The following SDCCAG8 variants were observed in gnomAD, a reference collection of about 807,000 sequenced individuals.
The protein encoded by SDCCAG8 is SHH signaling and ciliogenesis regulator SDCCAG8, also known as serologically defined colon cancer antigen 8.
A neutral mutation model predicts 101.8 loss-of-function variants in SDCCAG8; 74 were observed. The ratio of observed to expected loss-of-function variants is 0.73; its 90% CI spans 0.60 to 0.88. The LOEUF is 0.88. Ranked by LOEUF, SDCCAG8 falls within the 40% of genes least tolerant of loss-of-function variation. The pLI, the probability that SDCCAG8 is intolerant of heterozygous loss-of-function variation, is 0.00. For synonymous variants in SDCCAG8, 281 were observed against 292.9 expected, an observed-to-expected ratio of 0.96 and a Z score of 0.41; for missense variants, 787 against 822.6, an observed-to-expected ratio of 0.96 and a Z score of 0.53.
rs930080090 is a variant in SDCCAG8, at chr1:243,474,543, G to A, written c.1986-14471G>A. On this transcript the variant is annotated intron_variant, in intron 16 of 17. Coordinates refer to ENST00000366541, the MANE Select transcript of SDCCAG8 (RefSeq NM_006642.5). The surrounding 1 kb of genome is among the most constrained non-coding windows in gnomAD (Gnocchi z 4.7). ...AGAGGACGGTGCACCGCCCGGCAGC[G>A]CTGAGACCTGGCCGCCTAGGCCACC... is the stretch of plus-strand genomic sequence containing the variant. Among the ~76,000 whole-genome samples, 4 of 152,214 alleles carry A rather than the reference G, an allele frequency of 2.6e-5. No homozygotes were observed. Among genetic ancestry groups the A allele is most frequent in the African/African-American group, 4.8e-5 (2 of 41,460 alleles).
At position 243,386,768 on chromosome 1, in the gene SDCCAG8, T is replaced by TGAGAGAGAGAGAGAGA. The variant is rs112662776; in HGVS notation, c.1616+7912_1616+7927dup. Among the ~76,000 whole-genome samples, 536 of 143,450 alleles carry TGAGAGAGAGAGAGAGA rather than the reference T, an allele frequency of 3.7e-3. 8 individuals are homozygous for TGAGAGAGAGAGAGAGA. The highest frequency in any genetic ancestry group is 0.013 in the African/African-American group (505 of 39,434). The allele number at this position is 143,450 out of a possible 152,430, so 94.1% of individuals were successfully genotyped here. ...ACTCCATCTCAAAAAAGAAAGAAAG[T>TGAGAGAGAGAGAGAGA]GAGAGAGAGAGAGAGAGAGAGAAAG... is the stretch of plus-strand genomic sequence containing the variant. On this transcript the variant is annotated intron_variant, in intron 13 of 17. Transcript: ENST00000366541.
At chr1:243,389,025 G>A (rs1186152943) in intron 13 of SDCCAG8, among the ~76,000 whole-genome samples, 1 of 151,238 alleles carries the variant, frequency 6.6e-6, no homozygotes, top group African/African-American at 2.4e-5. Context: ...GAGGCTACGT[G>A]GTGGTGCGTG....
chr1:243,477,504 C>A (rs149882218), intron 16 of SDCCAG8, among the ~76,000 whole-genome samples: 14 of 152,300 alleles, frequency 9.2e-5, no homozygotes, highest in Non-Finnish European at 1.8e-4. Flanking sequence ...CCCAGTCTTC[C>A]AAAGGTATTA....
intron 15 of SDCCAG8, among the ~76,000 whole-genome samples, chr1:243,425,236 G>A (rs890270606): frequency 2.0e-5 from 3 of 152,084 alleles, no homozygotes; most frequent in African/African-American, 4.8e-5. Flanking sequence ...ATAAGCTAAT[G>A]TATGCATAAA....
At chr1:243,317,468 G>A (rs1459247992) in intron 9 of SDCCAG8, among the ~76,000 whole-genome samples, 2 of 152,004 alleles carry the variant, frequency 1.3e-5, no homozygotes, top group African/African-American at 2.4e-5. Flanking sequence ...TTACAGACAC[G>A]GGCCATCATG....
At chr1:243,361,090 C>G (rs2076684750) in intron 12 of SDCCAG8, among the ~76,000 whole-genome samples, 1 of 152,118 alleles carries the variant, frequency 6.6e-6, no homozygotes, top group Non-Finnish European at 1.5e-5. Context: ...CAACATATTG[C>G]CATAATAAAT....
chr1:243,485,705 A>T (rs992877456), intron 16 of SDCCAG8, among the ~76,000 whole-genome samples: 1 of 151,666 alleles, frequency 6.6e-6, no homozygotes, highest in Admixed American at 6.6e-5. Context: ...GGAGTTCAAG[A>T]CAAGCCTGGC....
intron 4 of SDCCAG8, 101 bp downstream of exon 4, chr1:243,274,757 A>G: frequency 1.4e-6 from 1 of 702,560 alleles, no homozygotes; most frequent in East Asian, 2.9e-5. Context: ...GTTTGTAGCA[A>G]TACATTGACA....
At chr1:243,434,193 G>A (rs1303194634) in intron 16 of SDCCAG8, among the ~76,000 whole-genome samples, 1 of 152,206 alleles carries the variant, frequency 6.6e-6, no homozygotes, top group East Asian at 1.9e-4. Flanking sequence ...TGGTTTCCCA[G>A]TAACTACATT....
At chr1:243,264,033 A>G (rs1248881687) in intron 1 of SDCCAG8, among the ~76,000 whole-genome samples, 1 of 152,106 alleles carries the variant, frequency 6.6e-6, no homozygotes, top group African/African-American at 2.4e-5. Context: ...GCTGCAGTGC[A>G]TCTCATATCT....
chr1:243,269,144 T>A lies in SDCCAG8; in HGVS notation c.68-961T>A, dbSNP rs182069261. On this transcript the variant is annotated intron_variant, in intron 1 of 17. Transcript: ENST00000366541. ...GCTTAGGGCTCCCAAAAGCAAACAT[T>A]CCAAGAGGAAGCAGAAGCTGCCAGT... The A allele has an allele frequency of 3.8e-3, 575 of 152,456 alleles. 6 individuals carry two copies. Among genetic ancestry groups the A allele is most frequent in the Non-Finnish European group, 3.6e-3 (246 of 68,236 alleles). 9.4% of individuals were successfully genotyped at this position (152,456 alleles called of 1,614,324 possible). A position where few individuals can be genotyped will look rare whatever the true frequency, so the allele number is the denominator to read the frequency against.
At chr1:243,484,910 G>C (rs1020570180) in intron 16 of SDCCAG8, among the ~76,000 whole-genome samples, 3 of 152,112 alleles carry the variant, frequency 2.0e-5, no homozygotes, top group Non-Finnish European at 4.4e-5. Context: ...CAGGTGTGGT[G>C]GTGCGCGCCT....
At chr1:243,365,048 G>A (rs1001933068) in intron 12 of SDCCAG8, among the ~76,000 whole-genome samples, 1 of 152,146 alleles carries the variant, frequency 6.6e-6, no homozygotes, top group Non-Finnish European at 1.5e-5. Context: ...GCTTATTTAT[G>A]CTTGTAACTG....
rs111278821 is a variant in SDCCAG8 at position 243,499,509 on chromosome 1, G to A, written c.2113-247G>A. Among the ~76,000 whole-genome samples the A allele has an allele frequency of 9.7e-4, 147 of 152,330 alleles. 2 individuals carry two copies. Among genetic ancestry groups the A allele is most frequent in the African/African-American group, 3.3e-3 (138 of 41,578 alleles). On this transcript the variant is annotated intron_variant, in intron 17 of 17. Transcript: ENST00000366541. Reference sequence around the variant, plus strand: ...GACTGTCCTTATTTAAGAGGCAGGCGTGTCTTTTGTCTAGGTTGTCTTCAA... The same window carrying A: ...GACTGTCCTTATTTAAGAGGCAGGCATGTCTTTTGTCTAGGTTGTCTTCAA...
intron 3 of SDCCAG8, 143 bp downstream of exon 3, chr1:243,271,206 ATTTTGGCTG>A: frequency 1.5e-6 from 1 of 657,220 alleles, no homozygotes; most frequent in Non-Finnish European, 2.8e-6. Flanking sequence ...CCCTCTGATT[ATTTTGGCTG>A]AAAAAATAGA....
At chr1:243,455,473 T>C (rs1226772043) in intron 16 of SDCCAG8, among the ~76,000 whole-genome samples, 1 of 152,198 alleles carries the variant, frequency 6.6e-6, no homozygotes, top group Admixed American at 6.5e-5. Flanking sequence ...TTCACCATGT[T>C]GGCCAGGCTG....
At chr1:243,294,506 C>CCAGAGAGAGAGAGAGAGA (rs369308882) in intron 6 of SDCCAG8, among the ~76,000 whole-genome samples, 2 of 105,884 alleles carry the variant, frequency 1.9e-5, no homozygotes, top group Non-Finnish European at 3.8e-5. Flanking sequence ...AGAGAAAGAG[C>CCAGAGAGAGAGAGAGAGA]GAGAGAGAGA....
intron 9 of SDCCAG8, among the ~76,000 whole-genome samples, 187 bp from the exon 10 acceptor site, chr1:243,330,353 C>T (rs953198118): frequency 4.0e-5 from 6 of 151,884 alleles, no homozygotes; most frequent in African/African-American, 1.5e-4. Flanking sequence ...TGAAATATGT[C>T]AATAAATGTA....
At chr1:243,486,133 G>A (rs934217514) in intron 16 of SDCCAG8, among the ~76,000 whole-genome samples, 4 of 148,854 alleles carry the variant, frequency 2.7e-5, no homozygotes, top group South Asian at 4.2e-4. Flanking sequence ...ACCCGGAGGC[G>A]GAGGTTGCGG....
Sources: gnomAD v4.1 joint callset for allele counts (sites outside exome capture counted in the v4.1 genomes callset) on GRCh38, gnomAD v4.1.1 for gene constraint, Gnocchi (gnomAD v3.1) non-coding constraint, MANE v1.5 for transcripts, NCBI Gene and HGNC (gene_info 2026-07-23, HGNC 2026-07-21) for gene names.